The following AHRR variants were observed in gnomAD, a reference collection of about 807,000 sequenced individuals.
AHRR encodes the protein ahR repressor.
A neutral mutation model predicts 44.0 loss-of-function variants in AHRR; 28 were observed. The observed-to-expected ratio is 0.64, with a 90% CI of 0.47 to 0.87. The LOEUF is 0.87. Ranked by LOEUF, AHRR falls within the 40% of genes least tolerant of loss-of-function variation. The pLI is 0.00. For missense variants in AHRR, 990 were observed against 953.9 expected, an observed-to-expected ratio of 1.04 and a Z score of -0.50; for synonymous variants, 434 against 407.0, an observed-to-expected ratio of 1.07 and a Z score of -0.80.
chr5:322,291 G>C (rs1013868976), intron 1 of AHRR, among the ~76,000 whole-genome samples: 7 of 152,210 alleles, frequency 4.6e-5, no homozygotes, highest in Non-Finnish European at 8.8e-5. Context: ...TCCCAGACCG[G>C]ATGCCCTGAG....
intron 8 of AHRR, among the ~76,000 whole-genome samples, chr5:428,416 C>T (rs1003995796): frequency 2.6e-5 from 4 of 152,242 alleles, no homozygotes; most frequent in Non-Finnish European, 5.9e-5. Context: ...CGGAGAGATG[C>T]GTCCCTGGTG....
At position 422,549 on chromosome 5, in the gene AHRR, A is replaced by G. The variant is rs1438068550; in HGVS notation, c.442-180A>G. Reference sequence around the variant, plus strand: ...GGCGGGTGCTCCAGGCAACTTAGACATCTTCTCAGGAGGGAGTGGGGAACC... The same window carrying G: ...GGCGGGTGCTCCAGGCAACTTAGACGTCTTCTCAGGAGGGAGTGGGGAACC... On this transcript the variant is annotated intron_variant, in intron 5 of 10. Transcript: ENST00000684583. 31 of 770,512 alleles carry G rather than the reference A, an allele frequency of 4.0e-5. 1 individual carries two copies. The highest frequency in any genetic ancestry group is 2.7e-4 in the South Asian group (16 of 58,396). The allele number at this position is 770,512 out of a possible 1,614,324, so 47.7% of individuals were successfully genotyped here.
chr5:399,418 T>C (rs1298984836), intron 4 of AHRR, among the ~76,000 whole-genome samples: 1 of 152,248 alleles, frequency 6.6e-6, no homozygotes, highest in African/African-American at 2.4e-5. Flanking sequence ...GTCCTGGTTT[T>C]AAAAGCATAA....
At chr5:385,535 TC>T (rs1175614661) in intron 4 of AHRR, among the ~76,000 whole-genome samples, 1 of 152,184 alleles carries the variant, frequency 6.6e-6, no homozygotes, top group Non-Finnish European at 1.5e-5. Context: ...TTATTTTTTG[TC>T]TAGCACTTTA....
chr5:403,870 C>A lies in AHRR; in HGVS notation c.352-9474C>A. On this transcript the variant is annotated intron_variant, in intron 4 of 10. Transcript: ENST00000684583. The stretch of plus-strand genomic sequence containing the variant: ...ACAAAGAACCCACATTAAAGCTTTT[C>A]CTCCTTGAACAGCTTGTGGCCTAGA... 3.1e-6 allele frequency: 5 copies of A among 1,589,880 alleles called. No homozygotes were observed. The South Asian group carries it at 5.5e-5, about 18-fold the overall frequency.
chr5:377,848 G>A (rs768359591), intron 4 of AHRR, among the ~76,000 whole-genome samples: 2 of 152,344 alleles, frequency 1.3e-5, no homozygotes, highest in Non-Finnish European at 1.5e-5. Context: ...CCTTCAGGGG[G>A]ACTCTCCAAG....
At chr5:365,576 A>G (rs1189482701) in intron 3 of AHRR, among the ~76,000 whole-genome samples, 2 of 152,126 alleles carry the variant, frequency 1.3e-5, no homozygotes, top group African/African-American at 4.8e-5. Flanking sequence ...AAAATAAGAG[A>G]GTCAAAGAAA....
intron 3 of AHRR, among the ~76,000 whole-genome samples, chr5:367,278 G>A (rs1579628482): frequency 6.6e-6 from 1 of 152,208 alleles, no homozygotes; most frequent in Non-Finnish European, 1.5e-5. Context: ...GCACGTGGTG[G>A]GCCCTCAGCG....
In AHRR at chr5:369,482, G is replaced by A. The variant is rs186340708; in HGVS notation, c.245-7128G>A. On this transcript the variant is annotated intron_variant, in intron 3 of 10. Coordinates refer to ENST00000684583, the MANE Select transcript of AHRR (RefSeq NM_001377236.1). ...CAGATGAACAGACCTACAGCTAGGC[G>A]AGCATGCAGCACAGCCCGACTCAGG... Among the ~76,000 whole-genome samples, 746 of 152,322 alleles carry A rather than the reference G, an allele frequency of 4.9e-3. 3 individuals are homozygous for A. The highest frequency in any genetic ancestry group is 0.01 in the Middle Eastern group (3 of 294).
intron 4 of AHRR, among the ~76,000 whole-genome samples, chr5:393,637 TTTCTTTGG>T (rs564856834): frequency 6.8e-6 from 1 of 146,812 alleles, no homozygotes; most frequent in African/African-American, 2.7e-5. Flanking sequence ...TTTTATTTGT[TTTCTTTGG>T]TTTTTTTTTT....
chr5:344,452 GGGT>G (rs1742504960), intron 2 of AHRR, among the ~76,000 whole-genome samples: 1 of 24,290 alleles, frequency 4.1e-5, no homozygotes, highest in Admixed American at 3.2e-4. Flanking sequence ...GCTGTGTGTG[GGGT>G]GTGTGTGTGT....
chr5:403,034 G>A (rs1265087210), intron 4 of AHRR, among the ~76,000 whole-genome samples: 3 of 152,152 alleles, frequency 2.0e-5, no homozygotes, highest in Non-Finnish European at 2.9e-5. Flanking sequence ...GGCCGGGGGT[G>A]TGGGAGGGGG....
chr5:391,356 CA>C (rs201631216), intron 4 of AHRR, among the ~76,000 whole-genome samples: 13 of 121,064 alleles, frequency 1.1e-4, no homozygotes, highest in African/African-American at 4.5e-4. Flanking sequence ...CAGGGCGAGG[CA>C]GGGCCAGAGC....
intron 3 of AHRR, among the ~76,000 whole-genome samples, chr5:366,077 C>CCA (rs1230345072): frequency 6.6e-6 from 1 of 151,690 alleles, no homozygotes; most frequent in African/African-American, 2.4e-5. Flanking sequence ...ACCCCCTGCC[C>CCA]CACACACACA....
intron 4 of AHRR, among the ~76,000 whole-genome samples, chr5:381,238 A>G (rs532934896): frequency 6.6e-6 from 1 of 152,210 alleles, no homozygotes; most frequent in Non-Finnish European, 1.5e-5. Context: ...CTCAGAAACA[A>G]TTCTCCACCA....
At chr5:422,594 T>G in intron 5 of AHRR, 135 bp from the exon 6 acceptor site, 2 of 1,247,036 alleles carry the variant, frequency 1.6e-6, no homozygotes, top group Non-Finnish European at 2.3e-6. Flanking sequence ...CGCCGTCTCT[T>G]CGGTGGGATT....
chr5:324,368 C>T (rs934473480), intron 1 of AHRR, among the ~76,000 whole-genome samples: 6 of 151,714 alleles, frequency 4.0e-5, no homozygotes, highest in African/African-American at 9.7e-5. Context: ...CACGCCCAGC[C>T]GCCTAGCTGT....
chr5:389,081 C>T (rs1290710285), intron 4 of AHRR, among the ~76,000 whole-genome samples: 1 of 152,046 alleles, frequency 6.6e-6, no homozygotes, highest in African/African-American at 2.4e-5. Flanking sequence ...GATTCTCTCT[C>T]CTCAGGGAGA....
In AHRR at chr5:423,820, CT is replaced by C; in HGVS notation, c.572-19del. The C allele has an allele frequency of 2.5e-6, 4 of 1,582,196 alleles. No individual in the cohort carries two copies. The highest frequency in any genetic ancestry group is 3.4e-6 in the Non-Finnish European group (4 of 1,165,886). Reference sequence around the variant, plus strand: ...TTTGGCTTCTCCCACCGCCACGCCCCTTGGCCCCTATGGTCTGCAGGAGATG... The same window carrying C: ...TTTGGCTTCTCCCACCGCCACGCCCCTGGCCCCTATGGTCTGCAGGAGATG... On this transcript the variant is annotated intron_variant, in intron 6 of 10. Transcript: ENST00000684583.
Sources: gnomAD v4.1 joint callset for allele counts (sites outside exome capture counted in the v4.1 genomes callset) on GRCh38, gnomAD v4.1.1 for gene constraint, MANE v1.5 for transcripts, NCBI Gene and HGNC (gene_info 2026-07-23, HGNC 2026-07-21) for gene names.